Variants in KIAA0040 observed in about 807,000 individuals in gnomAD.
The protein encoded by KIAA0040 is uncharacterized protein KIAA0040.
In KIAA0040, 10 loss-of-function variants were observed where a neutral mutation model predicts 7.2. That is an observed-to-expected ratio of 1.38 (90% CI 0.85 to 2.34). The LOEUF is 2.34. Among genes scored for constraint, KIAA0040 ranks in the 30% most tolerant of loss-of-function variants. The pLI, the probability that KIAA0040 is intolerant of heterozygous loss-of-function variation, is 0.00. For synonymous variants in KIAA0040, 49 were observed against 40.1 expected (o/e 1.22, Z -0.84); for missense variants, 89 against 108.2 (o/e 0.82, Z 0.79).
chr1:175,166,534 G>C (rs1676770253), intron 3 of KIAA0040, 28 bp downstream of exon 3: 1 of 152,196 alleles, frequency 6.6e-6, no homozygotes, highest in South Asian at 2.1e-4. Flanking sequence ...GAAGAATCAT[G>C]GGTGAGGAGA....
chr1:175,189,558 TATC>T lies in KIAA0040; in HGVS notation c.-384+3079_-384+3081del, dbSNP rs772797969. Among the ~76,000 whole-genome samples the T allele has an allele frequency of 1.5e-3, 233 of 152,304 alleles. 1 individual carries two copies. Among genetic ancestry groups the T allele is most frequent in the Non-Finnish European group, 2.6e-3 (178 of 68,022 alleles). The stretch of plus-strand genomic sequence containing the variant: ...GGCCAGAGTAGATGCATGTGATTGA[TATC>T]ATGGAAGGAGACTTATCATTACTGC... On this transcript the variant is annotated intron_variant, in intron 1 of 3. Transcript: ENST00000423313.
rs150137790 is a variant in KIAA0040, at chr1:175,160,788, CCTTCTTCTTCTT to C, written c.214_225del (p.Lys72_Lys75del). ...GCAGAGATCCAGAGGTCTTCTTCAT[CCTTCTTCTTCTT>C]CTTCTTCTTCTTCTTCTTGTTCTTC... is the stretch of plus-strand genomic sequence containing the variant. On this transcript the variant is annotated inframe_deletion, in exon 4 of 4. Transcript: ENST00000423313. 21 of 1,429,856 alleles carry C rather than the reference CCTTCTTCTTCTT, an allele frequency of 1.5e-5. No homozygotes were observed. The highest frequency in any genetic ancestry group is 4.2e-5 in the African/African-American group (2 of 47,862). 88.6% of individuals were successfully genotyped at this position (1,429,856 alleles called of 1,614,324 possible).
At chr1:175,162,893 A>T (rs1406219598) in intron 3 of KIAA0040, among the ~76,000 whole-genome samples, 1 of 152,260 alleles carries the variant, frequency 6.6e-6, no homozygotes, top group Non-Finnish European at 1.5e-5. Flanking sequence ...AAGAAATGTT[A>T]TAGGATGACA....
intron 1 of KIAA0040, among the ~76,000 whole-genome samples, chr1:175,181,155 T>C (rs1273788623): frequency 6.6e-6 from 1 of 152,082 alleles, no homozygotes; most frequent in African/African-American, 2.4e-5. Context: ...CTTGGCCTCT[T>C]TGTGCTCTTC....
intron 3 of KIAA0040, among the ~76,000 whole-genome samples, chr1:175,164,307 G>A (rs1254927725): frequency 6.6e-6 from 1 of 152,228 alleles, no homozygotes; most frequent in Admixed American, 6.5e-5. Flanking sequence ...GTTGGGTGTT[G>A]AGAATTCAAT....
In KIAA0040 at chr1:175,157,939, G is replaced by A. The variant is rs1377432224; in HGVS notation, c.*2775C>T. The A allele has an allele frequency of 6.6e-6, 1 of 152,284 alleles. No individual in the cohort carries two copies. Among genetic ancestry groups the A allele is most frequent in the Non-Finnish European group, 1.5e-5 (1 of 68,106 alleles). The allele number at this position is 152,284 out of a possible 1,614,324, so 9.4% of individuals were successfully genotyped here. ...TCCTGAGGTCCCATGGGTTGCCAGT[G>A]GCAGTTCAGGGACAGAGGCTGGAAG... is the stretch of plus-strand genomic sequence containing the variant. On this transcript the variant is annotated 3_prime_UTR_variant, in exon 4 of 4. Coordinates refer to ENST00000423313, the MANE Select transcript of KIAA0040 (RefSeq NM_014656.3).
chr1:175,164,761 T>C (rs910675360), intron 3 of KIAA0040, among the ~76,000 whole-genome samples: 1 of 152,256 alleles, frequency 6.6e-6, no homozygotes, highest in Non-Finnish European at 1.5e-5. Context: ...CCCCCCAGGT[T>C]ACTTGCTGAG....
Position 175,159,394 on chromosome 1 carries a change from C to A in KIAA0040, c.*1320G>T, listed in dbSNP as rs769082071. 3 of 152,244 alleles carry A rather than the reference C, an allele frequency of 2.0e-5. No homozygotes were observed. Among genetic ancestry groups the A allele is most frequent in the Non-Finnish European group, 4.4e-5 (3 of 68,036 alleles). The allele number at this position is 152,244 out of a possible 1,614,324, so 9.4% of individuals were successfully genotyped here. A position where few individuals can be genotyped will look rare whatever the true frequency, so the allele number is the denominator to read the frequency against. ...AGTGGGCTCACTTAGAAGAGAAGAT[C>A]ACTCGGGGAGAACTGGTGAGGTATT... is the stretch of plus-strand genomic sequence containing the variant. On this transcript the variant is annotated 3_prime_UTR_variant, in exon 4 of 4. Transcript: ENST00000423313.
chr1:175,168,062 T>C (rs1676839465), intron 2 of KIAA0040, among the ~76,000 whole-genome samples: 1 of 152,140 alleles, frequency 6.6e-6, no homozygotes, highest in South Asian at 2.1e-4. Flanking sequence ...GTGGTTACGA[T>C]AATATCACAC....
At chr1:175,168,911 C>G (rs564353657) in intron 2 of KIAA0040, among the ~76,000 whole-genome samples, 11 of 152,330 alleles carry the variant, frequency 7.2e-5, no homozygotes, top group African/African-American at 1.9e-4. Context: ...CCCGGGCCCT[C>G]CCTGTTCTCT....
chr1:175,179,889 C>T (rs1677368995), intron 1 of KIAA0040, among the ~76,000 whole-genome samples: 2 of 152,160 alleles, frequency 1.3e-5, no homozygotes, highest in Admixed American at 1.3e-4. Flanking sequence ...TTCCACTTCC[C>T]CAGTGAGATG....
intron 1 of KIAA0040, among the ~76,000 whole-genome samples, chr1:175,178,218 C>G (rs558574009): frequency 2.6e-5 from 4 of 152,190 alleles, no homozygotes; most frequent in Admixed American, 6.5e-5. Context: ...CAAGGGCTAG[C>G]GGGCCATGTC....
rs577624324 is a variant in KIAA0040, at chr1:175,169,853, C to A, written c.-309-3116G>T. 3.3e-5 allele frequency among the ~76,000 whole-genome samples: 5 copies of A among 152,242 alleles called. No homozygotes were observed. In the South Asian group the frequency reaches 1.0e-3, roughly 32 times the overall value. ...TAGAAGCCTCCTTCCTTCCTCACCC[C>A]GACGACAAACTGCCCTTTTGTCTTT... On this transcript the variant is annotated intron_variant, in intron 2 of 3. Transcript: ENST00000423313.
intron 2 of KIAA0040, among the ~76,000 whole-genome samples, chr1:175,176,695 T>TTTTTTTTTTTTTTTTC (rs1677210471): frequency 7.2e-6 from 1 of 139,190 alleles, no homozygotes; most frequent in South Asian, 2.3e-4. Flanking sequence ...TTTTTTTTTT[T>TTTTTTTTTTTTTTTTC]TTTTTGCTTC....
At chr1:175,167,508 C>T (rs1676812642) in intron 2 of KIAA0040, among the ~76,000 whole-genome samples, 1 of 152,178 alleles carries the variant, frequency 6.6e-6, no homozygotes, top group South Asian at 2.1e-4. Flanking sequence ...CCATGAATGG[C>T]AGCCCCACAC....
chr1:175,186,081 G>T (rs1050468267), intron 1 of KIAA0040, among the ~76,000 whole-genome samples: 6 of 152,166 alleles, frequency 3.9e-5, no homozygotes, highest in Non-Finnish European at 8.8e-5. Context: ...TTTTTATTTT[G>T]GGGTGATGAA....
intron 2 of KIAA0040, among the ~76,000 whole-genome samples, chr1:175,169,340 T>A (rs1676892109): frequency 6.6e-6 from 1 of 152,242 alleles, no homozygotes; most frequent in Non-Finnish European, 1.5e-5. Flanking sequence ...GAATTCTGGC[T>A]CTCCCACTCA....
chr1:175,171,211 C>A (rs1676979056), intron 2 of KIAA0040, among the ~76,000 whole-genome samples: 1 of 152,198 alleles, frequency 6.6e-6, no homozygotes. Context: ...CCCCAGCCAA[C>A]CCCTATCTCA....
At chr1:175,188,972 A>G (rs751022340) in intron 1 of KIAA0040, among the ~76,000 whole-genome samples, 5 of 152,202 alleles carry the variant, frequency 3.3e-5, no homozygotes, top group Non-Finnish European at 7.3e-5. Context: ...GCAGAGGCAG[A>G]TGGAACTTGG....
Sources: allele counts gnomAD v4.1 joint callset (sites outside exome capture counted in the v4.1 genomes callset), GRCh38; gene constraint gnomAD v4.1.1; transcripts MANE v1.5; gene names NCBI Gene and HGNC (gene_info 2026-07-23, HGNC 2026-07-21).